The following RBM19 variants were observed in gnomAD, a reference collection of about 807,000 sequenced individuals.
RBM19 encodes RNA binding motif protein 19, also known as probable RNA-binding protein 19.
RBM19 carries 94 observed loss-of-function variants against 116.8 expected under a neutral mutation model. That is an observed-to-expected ratio of 0.80 (90% CI 0.68 to 0.95). The LOEUF (loss-of-function observed/expected upper bound fraction) is 0.95, where lower values mean the gene tolerates loss of function less well. Ranked by LOEUF, RBM19 falls within the 40% of genes least tolerant of loss-of-function variation. The pLI is 0.00. For missense variants in RBM19, 1,161 were observed against 1,220.7 expected, an observed-to-expected ratio of 0.95 and a Z score of 0.73; for synonymous variants, 475 against 494.1, an observed-to-expected ratio of 0.96 and a Z score of 0.51.
At chr12:113,860,726 G>A (rs892254004) in intron 21 of RBM19, among the ~76,000 whole-genome samples, 6 of 152,150 alleles carry the variant, frequency 3.9e-5, no homozygotes, top group Non-Finnish European at 8.8e-5. Flanking sequence ...CCCATCCACA[G>A]TGTCACCGCT....
intron 16 of RBM19, among the ~76,000 whole-genome samples, chr12:113,933,557 C>A (rs1212831504): frequency 6.6e-6 from 1 of 152,138 alleles, no homozygotes; most frequent in East Asian, 1.9e-4. Context: ...CTAAGGCCTT[C>A]TTTGTGTGAG....
At chr12:113,963,122 A>G (rs1872638044) in intron 1 of RBM19, among the ~76,000 whole-genome samples, 1 of 152,236 alleles carries the variant, frequency 6.6e-6, no homozygotes. Flanking sequence ...GAGCTTCCAG[A>G]AGGACTGCAG....
intron 1 of RBM19, among the ~76,000 whole-genome samples, chr12:113,965,299 A>C (rs1484298313): frequency 2.7e-5 from 4 of 149,190 alleles, no homozygotes; most frequent in Admixed American, 2.0e-4. Context: ...AAAACAAAAA[A>C]AGAAAAAAAC....
intron 16 of RBM19, 68 bp downstream of exon 16, chr12:113,936,938 CT>C: frequency 6.4e-7 from 1 of 1,556,670 alleles, no homozygotes; most frequent in Non-Finnish European, 8.7e-7. Context: ...AAACTTCACG[CT>C]GCCCCCAACC....
chr12:113,882,746 A>G (rs963773382), intron 21 of RBM19, among the ~76,000 whole-genome samples: 11 of 152,186 alleles, frequency 7.2e-5, no homozygotes, highest in Non-Finnish European at 1.3e-4. Context: ...CCAGCCACCC[A>G]AAATCTACAT....
Position 113,822,765 on chromosome 12 carries a change from C to T in RBM19, c.*459G>A, listed in dbSNP as rs146144387. 159 of 162,600 alleles carry T rather than the reference C, an allele frequency of 9.8e-4. 1 individual carries two copies. Among genetic ancestry groups the T allele is most frequent in the Non-Finnish European group, 8.9e-4 (67 of 75,122 alleles). 10.1% of individuals were successfully genotyped at this position (162,600 alleles called of 1,614,324 possible). On this transcript the variant is annotated 3_prime_UTR_variant, in exon 24 of 24. Coordinates refer to ENST00000261741, the MANE Select transcript of RBM19 (RefSeq NM_016196.4). ...ACTAGCTAGCAAGGGGAAGGCTGGGCCCAAGGAGATAAGGAAACTGGGCCA... is the reference window on the plus strand; with the variant it reads ...ACTAGCTAGCAAGGGGAAGGCTGGGTCCAAGGAGATAAGGAAACTGGGCCA...
chr12:113,843,675 C>A (rs1435314207), intron 23 of RBM19, among the ~76,000 whole-genome samples: 1 of 152,196 alleles, frequency 6.6e-6, no homozygotes, highest in Non-Finnish European at 1.5e-5. Flanking sequence ...AGGTCAAGTA[C>A]CCCTTGATAT....
At position 113,944,093 on chromosome 12, in the gene RBM19, G is replaced by GTTTTTTTTTTTTTTTTTTTT. The variant is rs71433305; in HGVS notation, c.1627-1679_1627-1660dup. 4.1e-4 allele frequency among the ~76,000 whole-genome samples: 28 copies of GTTTTTTTTTTTTTTTTTTTT among 67,654 alleles called. 5 individuals carry two copies. The highest frequency in any genetic ancestry group is 1.2e-3 in the East Asian group (2 of 1,692). 44.4% of individuals were successfully genotyped at this position (67,654 alleles called of 152,430 possible). A position where few individuals can be genotyped will look rare whatever the true frequency, so the allele number is the denominator to read the frequency against. ...CAGCTGCCTCTAACTCCAGATGCATGTTTTTTTTTTTTTTTTTTTTTTTTG... is the reference window on the plus strand; with the variant it reads ...CAGCTGCCTCTAACTCCAGATGCATGTTTTTTTTTTTTTTTTTTTTTTTTTTTTTTTTTTTTTTTTTTTTG... On this transcript the variant is annotated intron_variant, in intron 13 of 23. Coordinates refer to ENST00000261741, the MANE Select transcript of RBM19 (RefSeq NM_016196.4).
intron 21 of RBM19, among the ~76,000 whole-genome samples, chr12:113,896,849 G>A (rs190338543): frequency 4.3e-4 from 66 of 152,316 alleles, no homozygotes; most frequent in South Asian, 8.3e-4. Flanking sequence ...CAAACACTAG[G>A]CTGCAGGATC....
intron 13 of RBM19, among the ~76,000 whole-genome samples, chr12:113,944,117 T>TTTTTTTTTTTTTTTTTTG (rs374683065): frequency 9.7e-6 from 1 of 102,600 alleles, no homozygotes; most frequent in Non-Finnish European, 1.9e-5. Flanking sequence ...TTTTTTTTTT[T>TTTTTTTTTTTTTTTTTTG]GGGGCAGACT....
intron 18 of RBM19, among the ~76,000 whole-genome samples, chr12:113,921,071 G>A (rs1274352549): frequency 6.6e-6 from 1 of 152,176 alleles, no homozygotes; most frequent in Non-Finnish European, 1.5e-5. Flanking sequence ...AAATGAATAT[G>A]TGCGTGAGAG....
At chr12:113,842,260 A>C (rs981060249) in intron 23 of RBM19, among the ~76,000 whole-genome samples, 1 of 151,514 alleles carries the variant, frequency 6.6e-6, no homozygotes, top group Non-Finnish European at 1.5e-5. Context: ...AGAACCGCTG[A>C]GCCTGCACTC....
chr12:113,821,186 C>G (rs75126600), downstream of RBM19, among the ~76,000 whole-genome samples: 16,386 of 152,134 alleles, frequency 0.11, 1,747 homozygotes, highest in African/African-American at 0.26. Context: ...GTCTGCTCAC[C>G]CCGCACCAAG....
intron 18 of RBM19, among the ~76,000 whole-genome samples, chr12:113,923,197 ACTG>A (rs2135870332): frequency 6.6e-6 from 1 of 152,320 alleles, no homozygotes; most frequent in East Asian, 1.9e-4. Flanking sequence ...TGATTGGATG[ACTG>A]CTGTTCTTTT....
At chr12:113,962,984 G>A (rs563984758) in intron 1 of RBM19, among the ~76,000 whole-genome samples, 1 of 152,262 alleles carries the variant, frequency 6.6e-6, no homozygotes, top group East Asian at 1.9e-4. Flanking sequence ...GAAGATCAGA[G>A]AAGATGGAAA....
At position 113,823,172 on chromosome 12, in the gene RBM19, C is replaced by T. The variant is rs1475211512; in HGVS notation, c.*52G>A. 17 of 1,532,980 alleles carry T rather than the reference C, an allele frequency of 1.1e-5. No homozygotes were observed. The highest frequency in any genetic ancestry group is 2.3e-5 in the South Asian group (2 of 88,646). 95.0% of individuals were successfully genotyped at this position (1,532,980 alleles called of 1,614,324 possible). A position where few individuals can be genotyped will look rare whatever the true frequency, so the allele number is the denominator to read the frequency against. ...ATGGTGGTGAGTGCAGAAGCTGGAGCGGCTGTCCCGGTCCCCAGGGCCCCG... is the reference window on the plus strand; with the variant it reads ...ATGGTGGTGAGTGCAGAAGCTGGAGTGGCTGTCCCGGTCCCCAGGGCCCCG... On this transcript the variant is annotated 3_prime_UTR_variant, in exon 24 of 24. Coordinates refer to ENST00000261741, the MANE Select transcript of RBM19 (RefSeq NM_016196.4).
chr12:113,915,209 C>T (rs540568155), intron 20 of RBM19, 124 bp from the exon 21 acceptor site: 134 of 797,946 alleles, frequency 1.7e-4, no homozygotes, highest in African/African-American at 2.9e-4. Flanking sequence ...GCGTGGGGTG[C>T]GGGACCAACG....
chr12:113,950,500 C>T (rs1871376969), intron 8 of RBM19, among the ~76,000 whole-genome samples: 2 of 152,176 alleles, frequency 1.3e-5, no homozygotes, highest in Admixed American at 6.5e-5. Context: ...GTGGCTACAG[C>T]ATGAGGACCC....
At chr12:113,857,726 T>C (rs1271063170) in intron 22 of RBM19, among the ~76,000 whole-genome samples, 5 of 152,242 alleles carry the variant, frequency 3.3e-5, no homozygotes, top group African/African-American at 1.2e-4. Flanking sequence ...AGGGTCCCCA[T>C]GCGCCTTCTC....
Sources: gnomAD v4.1 joint callset for allele counts (sites outside exome capture counted in the v4.1 genomes callset) on GRCh38, gnomAD v4.1.1 for gene constraint, MANE v1.5 for transcripts, NCBI Gene and HGNC (gene_info 2026-07-23, HGNC 2026-07-21) for gene names.